CSNK1G2: variants seen among roughly 807,000 people sequenced by gnomAD.
CSNK1G2 encodes the protein casein kinase 1 gamma 2.
In CSNK1G2, 11 loss-of-function variants were observed where a neutral mutation model predicts 48.0. That is an observed-to-expected ratio of 0.23 (90% CI 0.14 to 0.38). The LOEUF (loss-of-function observed/expected upper bound fraction) is 0.38, where lower values mean the gene tolerates loss of function less well. CSNK1G2 is among the 10% of genes least tolerant of loss of function. The pLI, the probability that CSNK1G2 is intolerant of heterozygous loss-of-function variation, is 1.00. For missense variants in CSNK1G2, 446 were observed against 595.5 expected (o/e 0.75, Z 2.61); for synonymous variants, 337 against 254.1 (o/e 1.33, Z -3.10).
intron 1 of CSNK1G2, among the ~76,000 whole-genome samples, chr19:1,961,218 G>C (rs1008538347): frequency 3.9e-5 from 6 of 152,376 alleles, no homozygotes; most frequent in African/African-American, 1.4e-4. Context: ...CTGTCAGGGG[G>C]CTGTTCCCGT....
intron 2 of CSNK1G2, among the ~76,000 whole-genome samples, chr19:1,971,016 G>C (rs1247452980): frequency 6.6e-6 from 1 of 152,220 alleles, no homozygotes; most frequent in Admixed American, 6.5e-5. Context: ...AGGAGCATGG[G>C]CTGTGGCGGC....
chr19:1,941,609 G>A (rs111480077), intron 1 of CSNK1G2, among the ~76,000 whole-genome samples, 191 bp downstream of exon 1: 18,880 of 103,920 alleles, frequency 0.18, 2,131 homozygotes, highest in African/African-American at 0.37. Context: ...CCCACACTCA[G>A]GGCCCCACCG....
chr19:1,975,270 A>G (rs896562076), intron 2 of CSNK1G2: 3 of 985,336 alleles, frequency 3.0e-6, no homozygotes, highest in Non-Finnish European at 3.6e-6. Context: ...TGGATGATAC[A>G]TCGACAGACA....
intron 1 of CSNK1G2, among the ~76,000 whole-genome samples, chr19:1,967,871 AGGCTGCCC>A: frequency 3.6e-5 from 1 of 27,704 alleles, no homozygotes; most frequent in African/African-American, 1.5e-4. Context: ...CCTTCTCCCC[AGGCTGCCC>A]CCGACCACCC....
intron 1 of CSNK1G2, among the ~76,000 whole-genome samples, chr19:1,955,789 C>T (rs1043498669): frequency 6.6e-6 from 1 of 152,190 alleles, no homozygotes; most frequent in African/African-American, 2.4e-5. Context: ...TCTGCAAAGC[C>T]GGGTGTGCAT....
rs548154591 is a variant in CSNK1G2, at chr19:1,967,697, C to T, written c.-265-1811C>T. 1.6e-4 allele frequency among the ~76,000 whole-genome samples: 19 copies of T among 120,776 alleles called. 1 individual carries two copies. Among genetic ancestry groups the T allele is most frequent in the African/African-American group, 6.5e-4 (17 of 26,060 alleles). The allele number at this position is 120,776 out of a possible 152,430, so 79.2% of individuals were successfully genotyped here. ...GCTCCTCCCTCCTCCCCAGGCTGCCCCCACCACCCTTCAGTTCTGCAGGTG... is the reference window on the plus strand; with the variant it reads ...GCTCCTCCCTCCTCCCCAGGCTGCCTCCACCACCCTTCAGTTCTGCAGGTG... On this transcript the variant is annotated intron_variant, in intron 1 of 11. Coordinates refer to ENST00000255641, the MANE Select transcript of CSNK1G2 (RefSeq NM_001319.7).
intron 1 of CSNK1G2, among the ~76,000 whole-genome samples, chr19:1,946,754 A>G (rs1294825848): frequency 6.6e-6 from 1 of 151,462 alleles, no homozygotes; most frequent in East Asian, 1.9e-4. Context: ...CTGGGACTAC[A>G]GGTACATGCC....
intron 1 of CSNK1G2, among the ~76,000 whole-genome samples, chr19:1,944,317 C>A (rs1240163917): frequency 6.6e-6 from 1 of 152,088 alleles, no homozygotes; most frequent in Non-Finnish European, 1.5e-5. Flanking sequence ...TGGAGGCTCC[C>A]TAGGTCGGGA....
chr19:1,969,302 C>A (rs1319309377), intron 1 of CSNK1G2, among the ~76,000 whole-genome samples: 1 of 149,354 alleles, frequency 6.7e-6, no homozygotes, highest in African/African-American at 2.5e-5. Context: ...CAGGCAGCCA[C>A]GCCGAGATCT....
At chr19:1,961,045 C>T (rs1317953931) in intron 1 of CSNK1G2, among the ~76,000 whole-genome samples, 1 of 152,224 alleles carries the variant, frequency 6.6e-6, no homozygotes, top group Non-Finnish European at 1.5e-5. Context: ...CTTCGGGCTC[C>T]GGTTTCCTCT....
chr19:1,953,758 G>T, intron 1 of CSNK1G2: 1 of 438,722 alleles, frequency 2.3e-6, no homozygotes, highest in East Asian at 6.2e-5. Context: ...AGCTGCCATT[G>T]TGCAGCCTTG....
rs2145507753 is a variant in CSNK1G2 at position 1,951,205 on chromosome 19, TCCTGGCTCTACTAAAATAC to T, written c.-266+9792_-266+9810del. Among the ~76,000 whole-genome samples the T allele has an allele frequency of 1.4e-5, 2 of 144,866 alleles. 1 individual carries two copies. The highest frequency in any genetic ancestry group is 4.3e-4 in the East Asian group (2 of 4,638). On this transcript the variant is annotated intron_variant, in intron 1 of 11. Transcript: ENST00000255641. ...TCACGAGGTCAGGAGATTGAGACCA[TCCTGGCTCTACTAAAATAC>T]CCTGTCTCTACTAAAAAAAATACAA... is the stretch of plus-strand genomic sequence containing the variant.
chr19:1,950,983 A>G lies in CSNK1G2; in HGVS notation c.-266+9565A>G, dbSNP rs2014741881. ...CCGTGCCCAGTTTTCAGGGGAGACCATGGGGGTCAGAGAGCTGGCCAGGCG... is the reference window on the plus strand; with the variant it reads ...CCGTGCCCAGTTTTCAGGGGAGACCGTGGGGGTCAGAGAGCTGGCCAGGCG... On this transcript the variant is annotated intron_variant, in intron 1 of 11. Coordinates refer to ENST00000255641, the MANE Select transcript of CSNK1G2 (RefSeq NM_001319.7). Among the ~76,000 whole-genome samples the G allele has an allele frequency of 1.4e-5, 2 of 146,268 alleles. 1 individual carries two copies. The highest frequency in any genetic ancestry group is 3.0e-5 in the Non-Finnish European group (2 of 67,178).
chr19:1,955,298 C>CCTGCTG lies in CSNK1G2; in HGVS notation c.-266+13897_-266+13902dup, dbSNP rs142010723. On this transcript the variant is annotated intron_variant, in intron 1 of 11. Transcript: ENST00000255641. ...GCCCTGCCTGTCCTCTGACTGCCCTCCTGCTGCTGCTGCTGCTGCTGCGAG... is the reference window on the plus strand; with the variant it reads ...GCCCTGCCTGTCCTCTGACTGCCCTCCTGCTGCTGCTGCTGCTGCTGCTGCTGCGAG... 5.2e-3 allele frequency among the ~76,000 whole-genome samples: 784 copies of CCTGCTG among 151,680 alleles called. 10 individuals carry two copies. The highest frequency in any genetic ancestry group is 0.017 in the African/African-American group (707 of 41,322).
rs552063367 is a variant in CSNK1G2, at chr19:1,956,774, G to A, written c.-265-12734G>A. Among the ~76,000 whole-genome samples, 12 of 152,326 alleles carry A rather than the reference G, an allele frequency of 7.9e-5. No individual in the cohort carries two copies. In the South Asian group the frequency reaches 1.7e-3, roughly 21 times the overall value. ...GGGGCCGTGGGTCATACCCACATCC[G>A]TGGGGGCTGTGAGACAGCCGTCCAG... On this transcript the variant is annotated intron_variant, in intron 1 of 11. Transcript: ENST00000255641.
intron 2 of CSNK1G2, among the ~76,000 whole-genome samples, chr19:1,971,375 C>T (rs544515187): frequency 1.3e-5 from 2 of 152,346 alleles, no homozygotes; most frequent in South Asian, 2.1e-4. Flanking sequence ...ACTGCCGGTC[C>T]GACGGCCTGT....
At chr19:1,944,603 C>A (rs1384822251) in intron 1 of CSNK1G2, among the ~76,000 whole-genome samples, 1 of 151,926 alleles carries the variant, frequency 6.6e-6, no homozygotes, top group Admixed American at 6.6e-5. Context: ...TCTCTGCTGG[C>A]TCTGTCCAGA....
chr19:1,947,965 C>CTTG (rs557538540), intron 1 of CSNK1G2, among the ~76,000 whole-genome samples: 8 of 17,178 alleles, frequency 4.7e-4, no homozygotes, highest in East Asian at 0.11. Context: ...TCAGCTCGTC[C>CTTG]TCGTGCCCGG....
chr19:1,969,494 C>CT lies in CSNK1G2; in HGVS notation c.-265-13dup, dbSNP rs2145572365. On this transcript the variant is annotated splice_polypyrimidine_tract_variant and intron_variant, in intron 1 of 11. Transcript: ENST00000255641. Reference sequence around the variant, plus strand: ...GCCTTGCCGGTGCTCACCTGTGCCTCTGTTTCTCTGCAGCTGTGAGCCGTG... The same window carrying CT: ...GCCTTGCCGGTGCTCACCTGTGCCTCTTGTTTCTCTGCAGCTGTGAGCCGTG... The CT allele has an allele frequency of 3.6e-6, 1 of 275,852 alleles. No individual in the cohort carries two copies. 17.1% of individuals were successfully genotyped at this position (275,852 alleles called of 1,614,324 possible).
Sources: allele counts gnomAD v4.1 joint callset (sites outside exome capture counted in the v4.1 genomes callset), GRCh38; gene constraint gnomAD v4.1.1; transcripts MANE v1.5; gene names NCBI Gene and HGNC (gene_info 2026-07-23, HGNC 2026-07-21).